The following MMP26 variants were observed in gnomAD, a reference collection of about 807,000 sequenced individuals.
The protein encoded by MMP26 is matrix metallopeptidase 26, also known as matrix metalloproteinase-26.
A neutral mutation model predicts 31.0 loss-of-function variants in MMP26; 33 were observed. That is an observed-to-expected ratio of 1.06 (90% confidence interval 0.81 to 1.42). The LOEUF is 1.42. Among genes scored for constraint, MMP26 ranks in the 40% most tolerant of loss-of-function variants. The pLI, the probability that MMP26 is intolerant of heterozygous loss-of-function variation, is 0.00. For missense variants in MMP26, 347 were observed against 316.1 expected (o/e 1.10, Z -0.74); for synonymous variants, 122 against 114.9 (o/e 1.06, Z -0.40).
rs974303622 is a variant in MMP26 at position 4,934,088 on chromosome 11, C to G, written c.-144-53980C>G. On this transcript the variant is annotated intron_variant, in intron 2 of 7. Coordinates refer to ENST00000380390, the MANE Select transcript of MMP26 (RefSeq NM_021801.5). ...ATTTATAGTCCTTTGGCTATATACCCAGTAATGGGATGGCTGGGTCAAATG... is the reference window on the plus strand; with the variant it reads ...ATTTATAGTCCTTTGGCTATATACCGAGTAATGGGATGGCTGGGTCAAATG... 4.6e-3 allele frequency among the ~76,000 whole-genome samples: 559 copies of G among 120,970 alleles called. 8 individuals are homozygous for G. Among genetic ancestry groups the G allele is most frequent in the African/African-American group, 0.016 (518 of 32,070 alleles). The allele number at this position is 120,970 out of a possible 152,430, so 79.4% of individuals were successfully genotyped here. A position where few individuals can be genotyped will look rare whatever the true frequency, so the allele number is the denominator to read the frequency against.
At chr11:4,842,531 A>C (rs553413618) in intron 2 of MMP26, among the ~76,000 whole-genome samples, 2 of 152,310 alleles carry the variant, frequency 1.3e-5, no homozygotes, top group Non-Finnish European at 2.9e-5. Flanking sequence ...AGTGCCACAC[A>C]CTTTTAAATC....
intron 1 of MMP26, among the ~76,000 whole-genome samples, chr11:4,762,729 G>C (rs1848582566): frequency 6.6e-6 from 1 of 152,096 alleles, no homozygotes; most frequent in African/African-American, 2.4e-5. Context: ...TTTTAGAAAA[G>C]TGGAAAAACA....
chr11:4,887,124 G>C (rs1160035314), intron 2 of MMP26, among the ~76,000 whole-genome samples: 1 of 151,712 alleles, frequency 6.6e-6, no homozygotes, highest in Non-Finnish European at 1.5e-5. Context: ...ATATATATTA[G>C]TGTGATTATT....
chr11:4,991,569 A>C, intron 6 of MMP26, 73 bp downstream of exon 6: 1 of 1,565,128 alleles, frequency 6.4e-7, no homozygotes. Flanking sequence ...GTTTCCATTT[A>C]GGGATCCAGA....
At chr11:4,758,466 GAAAAAAA>G (rs376347621) in intron 1 of MMP26, among the ~76,000 whole-genome samples, 977 of 93,374 alleles carry the variant, frequency 0.01, 13 homozygotes, top group African/African-American at 0.032. Context: ...CATCCATTTG[GAAAAAAA>G]AAAAAAAAAA....
intron 2 of MMP26, chr11:4,944,924 T>A (rs1010934753): frequency 6.6e-6 from 1 of 152,172 alleles, no homozygotes; most frequent in Non-Finnish European, 1.5e-5. Flanking sequence ...GTCTTATTTT[T>A]AAATTCATTC....
intron 1 of MMP26, among the ~76,000 whole-genome samples, chr11:4,713,457 A>C (rs1160576006): frequency 6.6e-6 from 1 of 152,028 alleles, no homozygotes. Context: ...CCTGGTTCTG[A>C]GTTTCCTTCA....
At chr11:4,884,593 C>T (rs778855543) in intron 2 of MMP26, among the ~76,000 whole-genome samples, 6 of 152,172 alleles carry the variant, frequency 3.9e-5, no homozygotes, top group South Asian at 2.1e-4. Context: ...GCAGAGCAGA[C>T]GTCCCAGAAC....
At chr11:4,872,547 A>G (rs953618310) in intron 2 of MMP26, among the ~76,000 whole-genome samples, 3 of 151,818 alleles carry the variant, frequency 2.0e-5, no homozygotes, top group Admixed American at 6.6e-5. Context: ...CAAGGTCAAT[A>G]GCAGATAGTT....
intron 1 of MMP26, among the ~76,000 whole-genome samples, chr11:4,749,227 C>A (rs537268929): frequency 1.3e-5 from 2 of 151,622 alleles, no homozygotes; most frequent in Non-Finnish European, 3.0e-5. Context: ...TTCATTTAAT[C>A]GAGGAGGTGA....
In MMP26 at chr11:4,812,340, C is replaced by T. The variant is rs145357507; in HGVS notation, c.-145+44999C>T. Among the ~76,000 whole-genome samples the T allele has an allele frequency of 1.8e-3, 279 of 152,086 alleles. 1 individual carries two copies. The highest frequency in any genetic ancestry group is 6.2e-3 in the African/African-American group (256 of 41,470). ...CATTTGTACTATATAAAGAGATAGA[C>T]ATGTGAAACTGAAGAAAATGACTGA... On this transcript the variant is annotated intron_variant, in intron 2 of 7. Coordinates refer to ENST00000380390, the MANE Select transcript of MMP26 (RefSeq NM_021801.5).
chr11:4,909,502 CG>C (rs34592178), intron 2 of MMP26: 1 of 152,080 alleles, frequency 6.6e-6, no homozygotes, highest in Non-Finnish European at 1.5e-5. Flanking sequence ...AAAAAGGAAA[CG>C]GGGATGCTTA....
Position 4,989,639 on chromosome 11 carries a change from C to G in MMP26, c.100-9C>G. 1 of 1,606,878 alleles carries G rather than the reference C, an allele frequency of 6.2e-7. No homozygotes were observed. The highest frequency in any genetic ancestry group is 1.1e-5 in the South Asian group (1 of 90,322). ...ACTCTTAGTACTCATCCTTCTTGAT[C>G]TGATTCAGGGCTATTTCCATCAATT... On this transcript the variant is annotated splice_polypyrimidine_tract_variant and intron_variant, in intron 3 of 7. Coordinates refer to ENST00000380390, the MANE Select transcript of MMP26 (RefSeq NM_021801.5).
intron 2 of MMP26, chr11:4,849,216 G>A (rs1396602923): frequency 6.3e-7 from 1 of 1,592,824 alleles, no homozygotes; most frequent in Non-Finnish European, 8.6e-7. Flanking sequence ...CATAGTTCAG[G>A]ATTCCACGTT....
intron 2 of MMP26, among the ~76,000 whole-genome samples, chr11:4,905,938 G>A (rs1850880990): frequency 6.6e-6 from 1 of 151,990 alleles, no homozygotes; most frequent in Admixed American, 6.6e-5. Context: ...ACAGAAATTG[G>A]GTGGTTTGGA....
intron 2 of MMP26, among the ~76,000 whole-genome samples, chr11:4,869,655 T>C (rs551092164): frequency 6.6e-5 from 10 of 152,284 alleles, no homozygotes; most frequent in African/African-American, 2.2e-4. Flanking sequence ...TGGAAGACAG[T>C]GTGGCAATTC....
chr11:4,991,067 T>C (rs1846993616), intron 5 of MMP26, among the ~76,000 whole-genome samples: 1 of 152,134 alleles, frequency 6.6e-6, no homozygotes, highest in African/African-American at 2.4e-5. Context: ...ACTTTCTGAG[T>C]TTAAATTCTC....
chr11:4,737,989 G>A (rs1049308074), intron 1 of MMP26, among the ~76,000 whole-genome samples: 5 of 151,992 alleles, frequency 3.3e-5, no homozygotes, highest in African/African-American at 1.2e-4. Flanking sequence ...ACTATTTTTC[G>A]TTTGTTTGCT....
In MMP26 at chr11:4,739,761, C is replaced by G. The variant is rs548833455; in HGVS notation, c.-216-27509C>G. Reference sequence around the variant, plus strand: ...TGTCCAGTCTCAGCTTTTACTCCTGCTCTTATAGGCCACTGAGAAGCTGGC... The same window carrying G: ...TGTCCAGTCTCAGCTTTTACTCCTGGTCTTATAGGCCACTGAGAAGCTGGC... On this transcript the variant is annotated intron_variant, in intron 1 of 7. Transcript: ENST00000380390. 9.9e-5 allele frequency among the ~76,000 whole-genome samples: 15 copies of G among 152,048 alleles called. 1 individual carries two copies. The South Asian group carries it at 3.1e-3, about 32-fold the overall frequency.
Sources: gnomAD v4.1 joint callset for allele counts (sites outside exome capture counted in the v4.1 genomes callset) on GRCh38, gnomAD v4.1.1 for gene constraint, MANE v1.5 for transcripts, NCBI Gene and HGNC (gene_info 2026-07-23, HGNC 2026-07-21) for gene names.